The following CACNA1C variants were observed in gnomAD, a reference collection of about 807,000 sequenced individuals.
CACNA1C encodes voltage-dependent L-type calcium channel subunit alpha-1C.
A neutral mutation model predicts 229.0 loss-of-function variants in CACNA1C; 30 were observed. The ratio of observed to expected loss-of-function variants is 0.13; its 90% CI spans 0.10 to 0.18. The LOEUF (loss-of-function observed/expected upper bound fraction) is 0.18, where lower values mean the gene tolerates loss of function less well. Among genes scored for constraint, CACNA1C ranks in the 10% least tolerant of loss-of-function variants. The pLI is 1.00. For synonymous variants in CACNA1C, 1,114 were observed against 1,132.5 expected (o/e 0.98, Z 0.33); for missense variants, 1,658 against 2,845.0 (o/e 0.58, Z 9.49).
rs933868750 is a variant in CACNA1C at position 2,493,961 on chromosome 12, A to G, written c.1113+575A>G. On this transcript the variant is annotated intron_variant, in intron 7 of 46. Coordinates refer to ENST00000399655, the MANE Select transcript of CACNA1C (RefSeq NM_000719.7). The surrounding 1 kb of genome is among the most constrained non-coding windows in gnomAD (Gnocchi z 4.6). ...CAAATGCATTGGCAGCATTTTTACT[A>G]TTCCCCAAACATGCTGCTGGTCATG... is the stretch of plus-strand genomic sequence containing the variant. Among the ~76,000 whole-genome samples the G allele has an allele frequency of 6.6e-6, 1 of 152,214 alleles. No homozygotes were observed. Among genetic ancestry groups the G allele is most frequent in the Non-Finnish European group, 1.5e-5 (1 of 68,046 alleles).
chr12:2,622,784 C>T (rs2084016892), intron 29 of CACNA1C, among the ~76,000 whole-genome samples: 1 of 152,158 alleles, frequency 6.6e-6, no homozygotes, highest in African/African-American at 2.4e-5. Context: ...TCGCTCTGCC[C>T]ACCACCCACC....
At chr12:2,282,961 C>T (rs1481099114) in intron 3 of CACNA1C, among the ~76,000 whole-genome samples, 1 of 151,922 alleles carries the variant, frequency 6.6e-6, no homozygotes, top group East Asian at 1.9e-4. Flanking sequence ...CTCCAGGCAT[C>T]ACACCCCCAT....
chr12:2,005,115 G>C (rs556176192), intron 1 of CACNA1C, among the ~76,000 whole-genome samples: 1 of 151,088 alleles, frequency 6.6e-6, no homozygotes, highest in African/African-American at 2.4e-5. Context: ...GTCAAAGTAC[G>C]CGTCACTAAT....
At position 2,493,045 on chromosome 12, in the gene CACNA1C, T is replaced by A. The variant is rs1310890179; in HGVS notation, c.917-145T>A. The A allele has an allele frequency of 1.6e-5, 10 of 640,246 alleles. No individual in the cohort carries two copies. Among genetic ancestry groups the A allele is most frequent in the Non-Finnish European group, 2.8e-5 (10 of 359,988 alleles). The allele number at this position is 640,246 out of a possible 1,614,324, so 39.7% of individuals were successfully genotyped here. ...TTAATTCACATCTGGGGACCTGATT[T>A]AAACATGTCTTGCGCTGTTGTTGCC... On this transcript the variant is annotated intron_variant, in intron 6 of 46. Coordinates refer to ENST00000399655, the MANE Select transcript of CACNA1C (RefSeq NM_000719.7). This position sits in a 1 kb window ranked among gnomAD's most constrained non-coding sequence, Gnocchi z 4.6.
chr12:2,360,938 G>A (rs1388435913), intron 3 of CACNA1C, among the ~76,000 whole-genome samples: 1 of 152,056 alleles, frequency 6.6e-6, no homozygotes, highest in Non-Finnish European at 1.5e-5. Flanking sequence ...GTGTAGGCCT[G>A]CCGTTCACCA....
At chr12:2,466,484 G>A (rs2154566788) in intron 5 of CACNA1C, among the ~76,000 whole-genome samples, 1 of 152,324 alleles carries the variant, frequency 6.6e-6, no homozygotes, top group African/African-American at 2.4e-5. Context: ...CCCTGAAACT[G>A]ACATATCTTG....
chr12:2,036,119 C>G (rs1363590846), intron 1 of CACNA1C, among the ~76,000 whole-genome samples: 1 of 152,198 alleles, frequency 6.6e-6, no homozygotes, highest in Non-Finnish European at 1.5e-5. Flanking sequence ...TAGACAAGTG[C>G]TGCATTGGTA....
At chr12:2,019,678 G>C (rs370034616) in intron 1 of CACNA1C, among the ~76,000 whole-genome samples, 1 of 152,156 alleles carries the variant, frequency 6.6e-6, no homozygotes, top group Non-Finnish European at 1.5e-5. Context: ...ATTTTTGTGA[G>C]AGGATACTGT....
At chr12:2,171,272 C>T (rs1289046658) in intron 3 of CACNA1C, among the ~76,000 whole-genome samples, 21 of 152,144 alleles carry the variant, frequency 1.4e-4, no homozygotes, top group Admixed American at 7.2e-4. Context: ...AGCAAACTGG[C>T]CCCGTAGAGA....
At chr12:1,972,598 T>C (rs2032798575) in intron 1 of CACNA1C, among the ~76,000 whole-genome samples, 1 of 152,210 alleles carries the variant, frequency 6.6e-6, no homozygotes, top group African/African-American at 2.4e-5. Context: ...CAAGGTTAAA[T>C]AAGCTAGCCA....
At chr12:2,191,735 C>G (rs2097223385) in intron 3 of CACNA1C, among the ~76,000 whole-genome samples, 1 of 151,480 alleles carries the variant, frequency 6.6e-6, no homozygotes, top group Non-Finnish European at 1.5e-5. Flanking sequence ...CACGTACACA[C>G]AGGCACACAC....
chr12:2,165,524 G>T (rs1431035407), intron 3 of CACNA1C, among the ~76,000 whole-genome samples: 1 of 152,038 alleles, frequency 6.6e-6, no homozygotes, highest in Non-Finnish European at 1.5e-5. Context: ...CTTGCTTTGA[G>T]TGCTTGGAAA....
chr12:2,424,616 T>C (rs985281020), intron 3 of CACNA1C, among the ~76,000 whole-genome samples: 1 of 152,140 alleles, frequency 6.6e-6, no homozygotes, highest in African/African-American at 2.4e-5. Flanking sequence ...GCTTGGGCTA[T>C]GCTGAGAGTG....
intron 2 of CACNA1C, among the ~76,000 whole-genome samples, chr12:2,118,281 T>G (rs1426277474): frequency 6.6e-6 from 1 of 152,138 alleles, no homozygotes; most frequent in East Asian, 1.9e-4. Flanking sequence ...TTGGCTGGGT[T>G]GTTGCATCCT....
intron 9 of CACNA1C, among the ~76,000 whole-genome samples, chr12:2,536,124 A>G (rs1599228780): frequency 1.3e-5 from 2 of 152,218 alleles, no homozygotes; most frequent in African/African-American, 4.8e-5. Flanking sequence ...ACGGCCTTCA[A>G]GGTAGTGCTG....
intron 5 of CACNA1C, among the ~76,000 whole-genome samples, chr12:2,462,850 T>C (rs1390615451): frequency 6.6e-6 from 1 of 152,172 alleles, no homozygotes; most frequent in Non-Finnish European, 1.5e-5. Context: ...AATAGGTTCA[T>C]TGGGCCATTT....
intron 3 of CACNA1C, among the ~76,000 whole-genome samples, chr12:2,334,781 T>C (rs1021861116): frequency 5.7e-4 from 86 of 152,174 alleles, no homozygotes; most frequent in African/African-American, 2.0e-3. Context: ...GATGCAAGGA[T>C]TAAATGAGAT....
chr12:2,450,817 C>T (rs922674977), intron 4 of CACNA1C, among the ~76,000 whole-genome samples: 1 of 152,076 alleles, frequency 6.6e-6, no homozygotes, highest in Non-Finnish European at 1.5e-5. Context: ...TTGGAGGATC[C>T]TTTTGTGCCA....
chr12:2,493,248 G>T lies in CACNA1C; in HGVS notation c.975G>T (p.Gln325His). ...CGCTGGAAACGGGCCACGGGCGGCA[G>T]TGCCAGAACGGCACGGTGTGCAAGC... ...PCALETGHGR[Q>H]CQNGTVCKPG... Residue 325 changes from glutamine to histidine, a missense_variant, in exon 7 of 47, where the codon CAG becomes CAT. Transcript: ENST00000399655. The surrounding 1 kb of genome is among the most constrained non-coding windows in gnomAD (Gnocchi z 4.6). The T allele has an allele frequency of 6.2e-7, 1 of 1,614,068 alleles. No homozygotes were observed. Among genetic ancestry groups the T allele is most frequent in the Non-Finnish European group, 8.5e-7 (1 of 1,179,904 alleles).
Sources: allele counts gnomAD v4.1 joint callset (sites outside exome capture counted in the v4.1 genomes callset), GRCh38; gene constraint gnomAD v4.1.1; non-coding constraint Gnocchi (gnomAD v3.1); transcripts MANE v1.5; gene names NCBI Gene and HGNC (gene_info 2026-07-23, HGNC 2026-07-21).